PCDH15: variants seen among roughly 807,000 people sequenced by gnomAD.
The protein encoded by PCDH15 is protocadherin-15.
In PCDH15, 129 loss-of-function variants were observed where a neutral mutation model predicts 178.5. That is an observed-to-expected ratio of 0.72 (90% CI 0.63 to 0.84). The LOEUF is 0.84. Ranked by LOEUF, PCDH15 falls within the 40% of genes least tolerant of loss-of-function variation. The pLI is 0.00. For synonymous variants in PCDH15, 800 were observed against 732.0 expected (o/e 1.09, Z -1.50); for missense variants, 2,230 against 2,099.9 (o/e 1.06, Z -1.21).
chr10:54,200,268 A>AT (rs2050089088), intron 10 of PCDH15, among the ~76,000 whole-genome samples: 36 of 66,652 alleles, frequency 5.4e-4, no homozygotes, highest in African/African-American at 2.1e-3. Flanking sequence ...TACAGAGCCC[A>AT]CTTTTTTTTT....
Position 54,358,570 on chromosome 10 carries a change from A to C in PCDH15, c.474+10550T>G, listed in dbSNP as rs552462862. ...ACTTTTACACTGTTGGTGGGACTGT[A>C]AACTAGTTCAACCATTGTGGAAGTC... On this transcript the variant is annotated intron_variant, in intron 5 of 37. Transcript: ENST00000644397. Among the ~76,000 whole-genome samples the C allele has an allele frequency of 5.3e-5, 8 of 151,944 alleles. No individual in the cohort carries two copies. In the South Asian group the frequency reaches 1.2e-3, roughly 24 times the overall value.
intron 31 of PCDH15, 93 bp downstream of exon 31, chr10:53,828,472 G>A (rs1231939923): frequency 9.5e-7 from 1 of 1,054,748 alleles, no homozygotes; most frequent in African/African-American, 1.6e-5. Context: ...GGAATAAGAT[G>A]TGGTTCTGAG....
At chr10:55,601,886 C>A (rs978935280) in intron 2 of PCDH15, among the ~76,000 whole-genome samples, 6 of 152,054 alleles carry the variant, frequency 3.9e-5, no homozygotes, top group Admixed American at 2.6e-4. Flanking sequence ...GGGGGAGGAG[C>A]CAAGATGGCC....
intron 3 of PCDH15, among the ~76,000 whole-genome samples, chr10:54,431,738 A>C (rs1207871068): frequency 6.6e-6 from 1 of 152,144 alleles, no homozygotes; most frequent in Non-Finnish European, 1.5e-5. Flanking sequence ...TTAACACAGT[A>C]CAGAATGTCC....
At chr10:55,133,820 C>T (rs1410283506) in intron 2 of PCDH15, among the ~76,000 whole-genome samples, 1 of 152,024 alleles carries the variant, frequency 6.6e-6, no homozygotes, top group African/African-American at 2.4e-5. Context: ...TAAAGAAATC[C>T]TGTTAGAGAC....
At position 54,936,087 on chromosome 10, in the gene PCDH15, G is replaced by C. The variant is rs779031944; in HGVS notation, c.-79-38587C>G. The stretch of plus-strand genomic sequence containing the variant: ...TTCTAGGCAACCACAGATTGACTTT[G>C]GGTCTCTATAGATTTGAAGATTCAA... On this transcript the variant is annotated intron_variant, in intron 2 of 5. Transcript: ENST00000458638. Among the ~76,000 whole-genome samples the C allele has an allele frequency of 3.9e-5, 6 of 152,100 alleles. No homozygotes were observed. The South Asian group carries it at 1.0e-3, about 26-fold the overall frequency.
rs146909077 is a variant in PCDH15 at position 55,290,177 on chromosome 10, G to A, written c.-156+29422C>T. ...AATATACATAAATTTTATACAAACC[G>A]TACATGTTTGTGTGAATTGAATTGT... On this transcript the variant is annotated intron_variant, in intron 1 of 5. Transcript: ENST00000458638. 4.7e-3 allele frequency among the ~76,000 whole-genome samples: 717 copies of A among 151,692 alleles called. 12 individuals are homozygous for A. The highest frequency in any genetic ancestry group is 0.015 in the East Asian group (80 of 5,178).
chr10:55,148,269 A>G (rs1468091703), intron 2 of PCDH15, among the ~76,000 whole-genome samples: 1 of 151,888 alleles, frequency 6.6e-6, no homozygotes, highest in Non-Finnish European at 1.5e-5. Flanking sequence ...ATTAATATTT[A>G]TGAACAGATT....
chr10:54,009,475 C>A (rs530528951), intron 20 of PCDH15, among the ~76,000 whole-genome samples: 45 of 152,194 alleles, frequency 3.0e-4, no homozygotes, highest in African/African-American at 7.0e-4. Context: ...AGCAGATAAT[C>A]CAGGTCAAGT....
At chr10:54,332,400 C>T (rs1164539727) in intron 6 of PCDH15, among the ~76,000 whole-genome samples, 1 of 116,474 alleles carries the variant, frequency 8.6e-6, no homozygotes, top group African/African-American at 3.3e-5. Context: ...AAATTTTCTG[C>T]AGCTGAAAGC....
chr10:53,947,430 AC>A (rs1026273155), intron 23 of PCDH15, among the ~76,000 whole-genome samples: 6 of 152,142 alleles, frequency 3.9e-5, no homozygotes, highest in African/African-American at 1.2e-4. Context: ...CTTTCTTTGT[AC>A]TAAGAGACAA....
chr10:54,748,344 G>C (rs1725440705), intron 1 of PCDH15, among the ~76,000 whole-genome samples: 1 of 151,972 alleles, frequency 6.6e-6, no homozygotes, highest in South Asian at 2.1e-4. Flanking sequence ...TTATTGTCTG[G>C]TCATCACCCC....
chr10:53,853,883 C>T (rs112848623), intron 28 of PCDH15, among the ~76,000 whole-genome samples: 3 of 151,954 alleles, frequency 2.0e-5, no homozygotes, highest in African/African-American at 7.2e-5. Context: ...ATTAGAACTA[C>T]CATATGATTT....
intron 15 of PCDH15, among the ~76,000 whole-genome samples, chr10:54,116,237 CAAA>C (rs58948747): frequency 0.24 from 29,662 of 124,732 alleles, 4,135 homozygotes; most frequent in East Asian, 0.79. Flanking sequence ...ACTGAAAATG[CAAA>C]AAAAAAAAAA....
intron 15 of PCDH15, among the ~76,000 whole-genome samples, chr10:54,128,121 G>A (rs1395098161): frequency 1.3e-5 from 2 of 152,034 alleles, no homozygotes; most frequent in African/African-American, 4.8e-5. Flanking sequence ...TAGGATTACT[G>A]TGCTAGAGGA....
intron 25 of PCDH15, among the ~76,000 whole-genome samples, chr10:53,919,685 T>G (rs1373833285): frequency 6.6e-6 from 1 of 152,202 alleles, no homozygotes; most frequent in African/African-American, 2.4e-5. Context: ...GCCTTAAATT[T>G]GAGTCATTTT....
rs112141976 is a variant in PCDH15 at position 55,103,111 on chromosome 10, CT to C, written c.-80+63464del. 5.5e-3 allele frequency among the ~76,000 whole-genome samples: 691 copies of C among 125,370 alleles called. 2 individuals carry two copies. The highest frequency in any genetic ancestry group is 0.045 in the East Asian group (192 of 4,228). 82.2% of individuals were successfully genotyped at this position (125,370 alleles called of 152,430 possible). On this transcript the variant is annotated intron_variant, in intron 2 of 5. Transcript: ENST00000458638. ...ATATGGTAATTTCTCTCTGATTTTTCTTTTTTTTTTTTTTTGCTTTTCCATT... is the reference window on the plus strand; with the variant it reads ...ATATGGTAATTTCTCTCTGATTTTTCTTTTTTTTTTTTTTGCTTTTCCATT...
At chr10:54,718,288 C>T (rs1360489296) in intron 1 of PCDH15, among the ~76,000 whole-genome samples, 1 of 151,894 alleles carries the variant, frequency 6.6e-6, no homozygotes, top group East Asian at 1.9e-4. Flanking sequence ...AGAAAATGAG[C>T]TGACACAAGT....
intron 12 of PCDH15, among the ~76,000 whole-genome samples, chr10:54,184,094 T>C (rs2048261929): frequency 6.6e-6 from 1 of 152,144 alleles, no homozygotes; most frequent in Non-Finnish European, 1.5e-5. Flanking sequence ...TTGTGATATT[T>C]TATACTTTAT....
Sources: allele counts gnomAD v4.1 joint callset (sites outside exome capture counted in the v4.1 genomes callset), GRCh38; gene constraint gnomAD v4.1.1; transcripts MANE v1.5; gene names NCBI Gene and HGNC (gene_info 2026-07-23, HGNC 2026-07-21).